Variants in ARHGAP32 observed in about 807,000 individuals in gnomAD.
ARHGAP32 encodes the protein Rho GTPase activating protein 32.
In ARHGAP32, 51 loss-of-function variants were observed where a neutral mutation model predicts 186.5. The observed-to-expected ratio is 0.27, with a 90% CI of 0.22 to 0.35. ARHGAP32 has a LOEUF of 0.35. Among genes scored for constraint, ARHGAP32 ranks in the 10% least tolerant of loss-of-function variants. The pLI, the probability that ARHGAP32 is intolerant of heterozygous loss-of-function variation, is 1.00. For synonymous variants in ARHGAP32, 950 were observed against 964.3 expected, an observed-to-expected ratio of 0.99 and a Z score of 0.27; for missense variants, 2,186 against 2,623.5, an observed-to-expected ratio of 0.83 and a Z score of 3.64.
intron 1 of ARHGAP32, among the ~76,000 whole-genome samples, chr11:129,206,573 T>C (rs1944517152): frequency 6.6e-6 from 1 of 152,124 alleles, no homozygotes. Flanking sequence ...ACACATGATA[T>C]TTTGGTAAAT....
rs184808346 is a variant in ARHGAP32, at chr11:129,114,780, T to A, written c.444+8666A>T. Among the ~76,000 whole-genome samples, 3 of 152,256 alleles carry A rather than the reference T, an allele frequency of 2.0e-5. No homozygotes were observed. In the East Asian group the frequency reaches 5.8e-4, roughly 29 times the overall value. On this transcript the variant is annotated intron_variant, in intron 5 of 22. Coordinates refer to ENST00000682385, the MANE Select transcript of ARHGAP32 (RefSeq NM_001378024.1). ...TTTCTAAATTTCTTCCAAATCTATC[T>A]TTGGAGTTATTTTTCCTGTATTGAG...
At chr11:129,060,933 G>A (rs1268603541) in intron 10 of ARHGAP32, among the ~76,000 whole-genome samples, 2 of 151,978 alleles carry the variant, frequency 1.3e-5, no homozygotes, top group Non-Finnish European at 1.5e-5. Flanking sequence ...TTACAAATGA[G>A]GAAACTGAGA....
At chr11:129,208,698 CTT>C (rs1371241108) in intron 1 of ARHGAP32, among the ~76,000 whole-genome samples, 1 of 147,516 alleles carries the variant, frequency 6.8e-6, no homozygotes, top group African/African-American at 2.5e-5. Flanking sequence ...GAGTCTTGCT[CTT>C]GTTGCCCAGG....
intron 1 of ARHGAP32, among the ~76,000 whole-genome samples, chr11:129,277,345 C>T (rs140410236): frequency 0.01 from 1,547 of 152,156 alleles, 11 homozygotes; most frequent in Middle Eastern, 0.027. Flanking sequence ...ACAGAAGGAA[C>T]ATAACTACTG....
At chr11:129,130,626 A>G (rs1186554147) in intron 2 of ARHGAP32, among the ~76,000 whole-genome samples, 1 of 152,166 alleles carries the variant, frequency 6.6e-6, no homozygotes, top group Non-Finnish European at 1.5e-5. Flanking sequence ...GTCATTATTC[A>G]TCAAGAAAAA....
intron 2 of ARHGAP32, among the ~76,000 whole-genome samples, chr11:129,146,215 A>C (rs1016725903): frequency 1.3e-5 from 2 of 152,172 alleles, no homozygotes; most frequent in African/African-American, 2.4e-5. Context: ...ATGTTTTTAC[A>C]AGTTGATGGG....
chr11:129,128,865 G>C, intron 2 of ARHGAP32, among the ~76,000 whole-genome samples: 1 of 152,270 alleles, frequency 6.6e-6, no homozygotes, highest in East Asian at 1.9e-4. Context: ...GATTGCAGAC[G>C]GAGTCTCGCT....
In ARHGAP32 at chr11:129,046,343, C is replaced by T. The variant is rs983110435; in HGVS notation, c.964-5334G>A. On this transcript the variant is annotated intron_variant, in intron 10 of 22. Coordinates refer to ENST00000682385, the MANE Select transcript of ARHGAP32 (RefSeq NM_001378024.1). ...ATTCATTTCATTGTAAATATATATA[C>T]CTTAATTTTTAATAATGGCTGTTTT... Among the ~76,000 whole-genome samples, 3 of 145,196 alleles carry T rather than the reference C, an allele frequency of 2.1e-5. No individual in the cohort carries two copies. The East Asian group carries it at 5.8e-4, about 28-fold the overall frequency.
In ARHGAP32 at chr11:128,968,891, CTA is replaced by C. The variant is rs1945277142; in HGVS notation, c.*14_*15del. On this transcript the variant is annotated 3_prime_UTR_variant, in exon 23 of 23. Transcript: ENST00000682385. ...CTGTCCAGCAGAGGCTGCTTCAACT[CTA>C]TTGCTCGCAGGGCTCATTCTGCATG... is the stretch of plus-strand genomic sequence containing the variant. 1 of 1,465,602 alleles carries C rather than the reference CTA, an allele frequency of 6.8e-7. No individual in the cohort carries two copies. The highest frequency in any genetic ancestry group is 1.4e-5 in the African/African-American group (1 of 71,312). 90.8% of individuals were successfully genotyped at this position (1,465,602 alleles called of 1,614,324 possible). A position where few individuals can be genotyped will look rare whatever the true frequency, so the allele number is the denominator to read the frequency against.
intron 2 of ARHGAP32, among the ~76,000 whole-genome samples, chr11:129,150,723 G>C (rs1424464512): frequency 6.6e-6 from 1 of 152,070 alleles, no homozygotes; most frequent in East Asian, 1.9e-4. Context: ...CAGAGTTCTA[G>C]ATCTTGAAAC....
At chr11:129,125,232 T>C (rs1386474583) in intron 2 of ARHGAP32, among the ~76,000 whole-genome samples, 2 of 151,964 alleles carry the variant, frequency 1.3e-5, no homozygotes, top group Non-Finnish European at 2.9e-5. Flanking sequence ...TTAAAATAAT[T>C]AATAAACATT....
intron 6 of ARHGAP32, among the ~76,000 whole-genome samples, chr11:129,088,873 T>C (rs1443775538): frequency 6.6e-6 from 1 of 151,302 alleles, no homozygotes; most frequent in Non-Finnish European, 1.5e-5. Context: ...ACCTTGTCTC[T>C]ACAAAAAGTA....
At chr11:128,991,149 T>C (rs1946036517) in intron 12 of ARHGAP32, among the ~76,000 whole-genome samples, 1 of 152,184 alleles carries the variant, frequency 6.6e-6, no homozygotes, top group Non-Finnish European at 1.5e-5. Context: ...TCCAAATAAG[T>C]AGGAAAACAT....
intron 1 of ARHGAP32, among the ~76,000 whole-genome samples, chr11:129,266,126 C>CA (rs1276057628): frequency 6.6e-6 from 1 of 151,608 alleles, no homozygotes; most frequent in Non-Finnish European, 1.5e-5. Context: ...CAAGTTATCC[C>CA]AAAAAAAGGT....
intron 5 of ARHGAP32, among the ~76,000 whole-genome samples, chr11:129,104,361 G>A (rs544481113): frequency 6.6e-6 from 1 of 152,124 alleles, no homozygotes; most frequent in East Asian, 1.9e-4. Flanking sequence ...CTAACATGGA[G>A]GAAAGAGTGA....
chr11:129,076,350 C>A (rs746763926), intron 6 of ARHGAP32, among the ~76,000 whole-genome samples: 6 of 152,144 alleles, frequency 3.9e-5, no homozygotes, highest in Non-Finnish European at 7.4e-5. Flanking sequence ...AATAAACTTG[C>A]TTTCACGTTA....
At chr11:129,165,984 T>C (rs1943631662) in intron 1 of ARHGAP32, among the ~76,000 whole-genome samples, 1 of 152,094 alleles carries the variant, frequency 6.6e-6, no homozygotes, top group East Asian at 1.9e-4. Context: ...ATGATTTATA[T>C]GTTCAATTGA....
intron 5 of ARHGAP32, among the ~76,000 whole-genome samples, chr11:129,116,352 C>T (rs780322513): frequency 2.6e-4 from 40 of 151,992 alleles, no homozygotes; most frequent in South Asian, 6.2e-4. Flanking sequence ...TAATCTCAAA[C>T]GAGATACAGT....
intron 1 of ARHGAP32, among the ~76,000 whole-genome samples, chr11:129,178,124 C>A (rs573929522): frequency 4.2e-4 from 64 of 151,554 alleles, no homozygotes; most frequent in African/African-American, 1.3e-3. Context: ...GTACAAAAAT[C>A]ACAAGCATTC....
Sources: allele counts gnomAD v4.1 joint callset (sites outside exome capture counted in the v4.1 genomes callset), GRCh38; gene constraint gnomAD v4.1.1; transcripts MANE v1.5; gene names NCBI Gene and HGNC (gene_info 2026-07-23, HGNC 2026-07-21).